ADAM18: variants seen among roughly 807,000 people sequenced by gnomAD.
ADAM18 encodes ADAM metallopeptidase domain 18, also known as disintegrin and metalloproteinase domain-containing protein 18.
A neutral mutation model predicts 94.4 loss-of-function variants in ADAM18; 117 were observed. That is an observed-to-expected ratio of 1.24 (90% CI 1.07 to 1.45). ADAM18 has a LOEUF of 1.45. Ranked by LOEUF, ADAM18 falls within the 40% of genes most tolerant of loss-of-function variation. The probability of loss-of-function intolerance (pLI) is 0.00; values close to 1 mark genes in which losing one functional copy is unlikely to be tolerated. For missense variants in ADAM18, 936 were observed against 880.0 expected (o/e 1.06, Z -0.81); for synonymous variants, 327 against 291.6 (o/e 1.12, Z -1.24).
intron 6 of ADAM18, among the ~76,000 whole-genome samples, chr8:39,614,793 A>G (rs1219757293): frequency 1.3e-5 from 2 of 152,198 alleles, no homozygotes; most frequent in South Asian, 2.1e-4. Flanking sequence ...AAAACACAAA[A>G]CACAGGGGTT....
intron 13 of ADAM18, among the ~76,000 whole-genome samples, chr8:39,666,758 C>T (rs999684476): frequency 2.0e-5 from 3 of 152,052 alleles, no homozygotes; most frequent in African/African-American, 7.2e-5. Flanking sequence ...AAGACCTGCC[C>T]CCTGATTGAA....
intron 8 of ADAM18, 90 bp downstream of exon 8, chr8:39,637,425 C>A: frequency 7.1e-7 from 1 of 1,411,054 alleles, no homozygotes; most frequent in Non-Finnish European, 9.7e-7. Flanking sequence ...AACTTAAATA[C>A]TTTTTATTAG....
intron 17 of ADAM18, among the ~76,000 whole-genome samples, chr8:39,701,979 G>A (rs563282033): frequency 7.2e-5 from 11 of 152,200 alleles, no homozygotes; most frequent in Middle Eastern, 3.4e-3. Flanking sequence ...AATAGAATGA[G>A]TTACATTCCT....
intron 6 of ADAM18, 129 bp downstream of exon 6, chr8:39,610,835 A>G: frequency 7.7e-7 from 1 of 1,297,230 alleles, no homozygotes; most frequent in Non-Finnish European, 1.0e-6. Flanking sequence ...TCTACCTTTA[A>G]ATAAAACATT....
intron 6 of ADAM18, among the ~76,000 whole-genome samples, chr8:39,617,063 C>T (rs892092175): frequency 6.6e-6 from 1 of 152,044 alleles, no homozygotes; most frequent in African/African-American, 2.4e-5. Flanking sequence ...AAGAAACAAT[C>T]AACAGAGTAA....
At chr8:39,725,111 C>T (rs776851627) in intron 19 of ADAM18, among the ~76,000 whole-genome samples, 1 of 151,922 alleles carries the variant, frequency 6.6e-6, no homozygotes, top group African/African-American at 2.4e-5. Context: ...TTGATGGTAT[C>T]GTTTAAGTCT....
intron 6 of ADAM18, among the ~76,000 whole-genome samples, chr8:39,628,490 C>T (rs1244149642): frequency 6.6e-6 from 1 of 151,878 alleles, no homozygotes; most frequent in East Asian, 1.9e-4. Flanking sequence ...ATGAGGCATA[C>T]TTTACTTTCC....
intron 12 of ADAM18, among the ~76,000 whole-genome samples, chr8:39,655,283 C>T (rs1820655464): frequency 6.6e-6 from 1 of 152,114 alleles, no homozygotes; most frequent in Non-Finnish European, 1.5e-5. Flanking sequence ...ATTAAAGAGA[C>T]TGTTCTTTTC....
At chr8:39,677,663 A>AT (rs555972403) in intron 15 of ADAM18, 127 bp downstream of exon 15, 20 of 624,170 alleles carry the variant, frequency 3.2e-5, no homozygotes, top group Admixed American at 1.1e-4. Context: ...CAATGCATAT[A>AT]TTTTTTCTAT....
intron 2 of ADAM18, among the ~76,000 whole-genome samples, chr8:39,594,793 G>GTTTTTTTTTTTTTTTTTTTT (rs71237182): frequency 2.1e-5 from 1 of 46,848 alleles, no homozygotes; most frequent in African/African-American, 8.2e-5. Flanking sequence ...TTTGCTGTGA[G>GTTTTTTTTTTTTTTTTTTTT]TTTTTTTTTT....
chr8:39,647,551 G>A (rs1165002017), intron 11 of ADAM18, among the ~76,000 whole-genome samples: 2 of 152,140 alleles, frequency 1.3e-5, no homozygotes, highest in African/African-American at 4.8e-5. Flanking sequence ...ATCCACCTCA[G>A]CACAGACCAT....
chr8:39,675,285 A>C (rs1011711249), intron 14 of ADAM18, among the ~76,000 whole-genome samples: 1 of 152,088 alleles, frequency 6.6e-6, no homozygotes, highest in African/African-American at 2.4e-5. Context: ...TGGTCTTTTC[A>C]CATAGTCCCA....
At chr8:39,594,233 C>A (rs1231668776) in intron 2 of ADAM18, among the ~76,000 whole-genome samples, 3 of 151,956 alleles carry the variant, frequency 2.0e-5, no homozygotes, top group African/African-American at 4.8e-5. Context: ...ACTATTTAAA[C>A]CTTAATGTGT....
chr8:39,632,440 A>T (rs570883685), intron 7 of ADAM18, among the ~76,000 whole-genome samples: 241 of 151,850 alleles, frequency 1.6e-3, no homozygotes, highest in Non-Finnish European at 2.7e-3. Context: ...TTTTCATCAA[A>T]TTTTTTTTCT....
chr8:39,588,236 T>TG (rs1818465166), intron 2 of ADAM18, among the ~76,000 whole-genome samples: 1 of 151,978 alleles, frequency 6.6e-6, no homozygotes, highest in African/African-American at 2.4e-5. Flanking sequence ...GGGTTTTTTT[T>TG]TTTTTTTTTA....
intron 5 of ADAM18, among the ~76,000 whole-genome samples, chr8:39,609,868 T>G (rs984940671): frequency 6.6e-6 from 1 of 152,116 alleles, no homozygotes; most frequent in Non-Finnish European, 1.5e-5. Context: ...GAAAATGGCA[T>G]TAGTTAGTTA....
At chr8:39,695,528 A>G (rs563430321) in intron 17 of ADAM18, among the ~76,000 whole-genome samples, 10 of 151,516 alleles carry the variant, frequency 6.6e-5, no homozygotes, top group East Asian at 1.9e-4. Flanking sequence ...TGAAATATGT[A>G]TATCTTCTAT....
intron 11 of ADAM18, among the ~76,000 whole-genome samples, chr8:39,647,524 A>C (rs1440788535): frequency 1.3e-5 from 2 of 152,250 alleles, no homozygotes; most frequent in African/African-American, 2.4e-5. Context: ...TCTCAACTGC[A>C]AGAGGCTCTT....
rs1269446609 is a variant in ADAM18 at position 39,663,836 on chromosome 8, A to G, written c.1272A>G (p.Lys424=). ...FKKCCDYNTC[K]LKGSVKCGSG... ...AGTGCTGTGATTATAACACATGTAA[A>G]CTGAAGGGCTCAGTAAAATGTGGTT... Residue 424 remains lysine, a synonymous_variant, in exon 13 of 20, where the codon AAA becomes AAG. Coordinates refer to ENST00000265707, the MANE Select transcript of ADAM18 (RefSeq NM_014237.3). The G allele has an allele frequency of 1.2e-6, 2 of 1,612,658 alleles. No homozygotes were observed. The highest frequency in any genetic ancestry group is 1.7e-6 in the Non-Finnish European group (2 of 1,179,696).
Sources: gnomAD v4.1 joint callset for allele counts (sites outside exome capture counted in the v4.1 genomes callset) on GRCh38, gnomAD v4.1.1 for gene constraint, MANE v1.5 for transcripts, NCBI Gene and HGNC (gene_info 2026-07-23, HGNC 2026-07-21) for gene names.